The following GCA variants were observed in gnomAD, a reference collection of about 807,000 sequenced individuals.
GCA encodes the protein grancalcin, EF-hand calcium-binding protein.
In GCA, 30 loss-of-function variants were observed where a neutral mutation model predicts 32.6. The ratio of observed to expected loss-of-function variants is 0.92; its 90% CI spans 0.69 to 1.25. GCA has a LOEUF of 1.25. Among genes scored for constraint, GCA ranks in the 50% most tolerant of loss-of-function variants. GCA has a pLI of 0.00. For missense variants in GCA, 291 were observed against 266.8 expected, an observed-to-expected ratio of 1.09 and a Z score of -0.63; for synonymous variants, 102 against 84.6, an observed-to-expected ratio of 1.21 and a Z score of -1.13.
At chr2:162,343,896 G>A (rs977326809), upstream of GCA, among the ~76,000 whole-genome samples, 1 of 152,148 alleles carries the variant, frequency 6.6e-6, no homozygotes. Context: ...AGGCTTCTTC[G>A]GGATTTAGAA....
At chr2:162,322,312 C>T (rs1343909763) in intron 1 of GCA, among the ~76,000 whole-genome samples, 2 of 151,604 alleles carry the variant, frequency 1.3e-5, no homozygotes, top group Non-Finnish European at 2.9e-5. Flanking sequence ...TTTTCAAAAA[C>T]AGTTACCTGC....
At chr2:162,358,888 C>G (rs1414466427) in intron 5 of GCA, among the ~76,000 whole-genome samples, 156 bp from the exon 6 acceptor site, 2 of 151,150 alleles carry the variant, frequency 1.3e-5, no homozygotes, top group Non-Finnish European at 3.0e-5. Context: ...AACAGTGAAG[C>G]CTTTGTCTGA....
At chr2:162,375,091 T>A (rs1241212204), downstream of GCA, among the ~76,000 whole-genome samples, 1 of 152,170 alleles carries the variant, frequency 6.6e-6, no homozygotes, top group Non-Finnish European at 1.5e-5. Flanking sequence ...AATCTTTCCT[T>A]ATTTACCCCA....
intron 1 of GCA, among the ~76,000 whole-genome samples, chr2:162,323,457 G>A (rs1012485290): frequency 6.6e-6 from 1 of 151,676 alleles, no homozygotes; most frequent in Non-Finnish European, 1.5e-5. Flanking sequence ...CATTGCTTTT[G>A]GTGTTTTAGA....
At chr2:162,364,327 T>G (rs1199035205), downstream of GCA, among the ~76,000 whole-genome samples, 1 of 151,522 alleles carries the variant, frequency 6.6e-6, no homozygotes, top group African/African-American at 2.4e-5. Context: ...TTGAAAATAA[T>G]AAGCCATTTT....
downstream of GCA, among the ~76,000 whole-genome samples, chr2:162,365,893 A>AAT (rs1685735694): frequency 2.6e-5 from 4 of 151,596 alleles, no homozygotes; most frequent in African/African-American, 4.8e-5. Flanking sequence ...GAGGGAGTTA[A>AAT]TTATAAGATT....
chr2:162,373,219 T>TA (rs199565037), downstream of GCA, among the ~76,000 whole-genome samples: 2,520 of 152,102 alleles, frequency 0.017, 35 homozygotes, highest in African/African-American at 0.019. Context: ...GTTTTCCTTT[T>TA]AAAAAAAATG....
At chr2:162,368,011 A>G (rs984971), downstream of GCA, among the ~76,000 whole-genome samples, 74,556 of 151,754 alleles carry the variant, frequency 0.49, 20,315 homozygotes, top group East Asian at 0.83. Flanking sequence ...CTTCTACATT[A>G]GTAATTCTCA....
At chr2:162,340,100 C>A (rs1437473953), upstream of GCA, among the ~76,000 whole-genome samples, 2 of 152,162 alleles carry the variant, frequency 1.3e-5, no homozygotes, top group Admixed American at 6.5e-5. Flanking sequence ...TTGTTAGGGC[C>A]ATTTTGGAGG....
chr2:162,330,630 A>T (rs2105272207), intron 1 of GCA, among the ~76,000 whole-genome samples: 1 of 152,318 alleles, frequency 6.6e-6, no homozygotes, highest in African/African-American at 2.4e-5. Context: ...AACCTGTGTA[A>T]AATTATCCAT....
In GCA at chr2:162,358,838, A is replaced by G. The variant is rs113416403; in HGVS notation, c.455-206A>G. Among the ~76,000 whole-genome samples, 454 of 151,544 alleles carry G rather than the reference A, an allele frequency of 3.0e-3. 6 individuals carry two copies. Among genetic ancestry groups the G allele is most frequent in the African/African-American group, 9.6e-3 (399 of 41,506 alleles). ...TTTCCTTAGCTTTGACTTTATTACA[A>G]AGTTAGAATTGTGATATTTATATAC... On this transcript the variant is annotated intron_variant, in intron 5 of 7. Coordinates refer to ENST00000437150, the MANE Select transcript of GCA (RefSeq NM_012198.5).
intron 5 of GCA, among the ~76,000 whole-genome samples, chr2:162,358,242 G>T (rs1237482218): frequency 6.6e-6 from 1 of 151,402 alleles, no homozygotes; most frequent in Admixed American, 6.6e-5. Context: ...CCATCTATAA[G>T]GGTACAGCAA....
intron 1 of GCA, among the ~76,000 whole-genome samples, chr2:162,327,443 C>G (rs1326813838): frequency 1.3e-5 from 2 of 152,198 alleles, no homozygotes; most frequent in African/African-American, 4.8e-5. Context: ...GAACCTCTCA[C>G]TTAGTGCAAG....
chr2:162,363,727 A>G (rs1685666897), downstream of GCA, among the ~76,000 whole-genome samples: 1 of 151,464 alleles, frequency 6.6e-6, no homozygotes. Context: ...ATTTCCTGCC[A>G]TATCTCTTTC....
chr2:162,373,738 CACTA>C, downstream of GCA: 1 of 1,012,756 alleles, frequency 9.9e-7, no homozygotes, highest in Non-Finnish European at 1.3e-6. Flanking sequence ...AAAATTTCAG[CACTA>C]CCAAGAAACA....
chr2:162,324,430 C>A (rs79261185), intron 1 of GCA, among the ~76,000 whole-genome samples: 1 of 152,156 alleles, frequency 6.6e-6, no homozygotes. Flanking sequence ...CCAAACTCTG[C>A]GACGTTCTAC....
At chr2:162,367,040 C>T (rs1576308416), downstream of GCA, among the ~76,000 whole-genome samples, 2 of 151,874 alleles carry the variant, frequency 1.3e-5, no homozygotes, top group African/African-American at 4.8e-5. Flanking sequence ...AAATAACGTC[C>T]TTTATGGTTT....
intron 1 of GCA, among the ~76,000 whole-genome samples, chr2:162,320,122 A>G (rs1366975487): frequency 6.6e-6 from 1 of 152,184 alleles, no homozygotes; most frequent in Admixed American, 6.5e-5. Context: ...GTTGTATTTG[A>G]GTTGACCATA....
chr2:162,335,117 T>C (rs1460597762), intron 1 of GCA, among the ~76,000 whole-genome samples: 1 of 152,086 alleles, frequency 6.6e-6, no homozygotes. Flanking sequence ...CTAGCTATAG[T>C]GATTAAGTGT....
Sources: allele counts gnomAD v4.1 joint callset (sites outside exome capture counted in the v4.1 genomes callset), GRCh38; gene constraint gnomAD v4.1.1; transcripts MANE v1.5; gene names NCBI Gene and HGNC (gene_info 2026-07-23, HGNC 2026-07-21).